LMCD1: variants seen among roughly 807,000 people sequenced by gnomAD.
LMCD1 encodes the protein LIM and cysteine rich domains 1.
Under a neutral mutation model 42.7 loss-of-function variants are expected in LMCD1, and 32 were observed. The observed-to-expected ratio is 0.75, with a 90% CI of 0.57 to 1.01. The LOEUF is 1.01. LMCD1 is among the 50% of genes least tolerant of loss of function. LMCD1 has a pLI of 0.00. For synonymous variants in LMCD1, 178 were observed against 184.9 expected, an observed-to-expected ratio of 0.96 and a Z score of 0.30; for missense variants, 458 against 483.1, an observed-to-expected ratio of 0.95 and a Z score of 0.49.
At chr3:8,517,322 A>G (rs570403765) in intron 1 of LMCD1, among the ~76,000 whole-genome samples, 1 of 152,340 alleles carries the variant, frequency 6.6e-6, no homozygotes, top group East Asian at 1.9e-4. Context: ...TGTGTATATG[A>G]AACATAACAA....
At chr3:8,553,003 T>G (rs1314557148) in intron 4 of LMCD1, among the ~76,000 whole-genome samples, 1 of 152,170 alleles carries the variant, frequency 6.6e-6, no homozygotes, top group Non-Finnish European at 1.5e-5. Flanking sequence ...ATGTATTTAT[T>G]TATGTGGGAT....
intron 1 of LMCD1, among the ~76,000 whole-genome samples, chr3:8,526,046 C>T (rs1310070250): frequency 6.6e-6 from 1 of 152,134 alleles, no homozygotes; most frequent in Non-Finnish European, 1.5e-5. Flanking sequence ...TCAGGCTTGC[C>T]CAGACTTGCT....
rs116647295 is a variant in LMCD1 at position 8,565,750 on chromosome 3, C to T, written c.939+103C>T. The stretch of plus-strand genomic sequence containing the variant: ...ATGGCTTTGTGGATGATGTGTTCTA[C>T]AGATTGGGAAACTGAAGTCAGGCCT... On this transcript the variant is annotated intron_variant, in intron 5 of 5. Transcript: ENST00000157600. 1,685 of 1,138,632 alleles carry T rather than the reference C, an allele frequency of 1.5e-3. 19 individuals are homozygous for T. The African/African-American group carries it at 0.023, about 16-fold the overall frequency. 70.5% of individuals were successfully genotyped at this position (1,138,632 alleles called of 1,614,324 possible).
chr3:8,522,811 T>C (rs1002194630), intron 1 of LMCD1, among the ~76,000 whole-genome samples: 1 of 143,858 alleles, frequency 7.0e-6, no homozygotes, highest in Non-Finnish European at 1.5e-5. Context: ...AATTAATTTT[T>C]AAAAATTAAA....
intron 4 of LMCD1, among the ~76,000 whole-genome samples, 161 bp from the exon 5 acceptor site, chr3:8,565,268 ATAT>A (rs900603882): frequency 6.6e-6 from 1 of 152,186 alleles, no homozygotes; most frequent in African/African-American, 2.4e-5. Flanking sequence ...TAGGTAGGCA[ATAT>A]TATTGTGTCG....
intron 1 of LMCD1, among the ~76,000 whole-genome samples, chr3:8,517,657 T>C (rs890527961): frequency 3.3e-5 from 5 of 152,254 alleles, no homozygotes; most frequent in African/African-American, 1.2e-4. Context: ...CTCCTTCTGA[T>C]GCTAAAACGC....
chr3:8,565,340 A>G, intron 4 of LMCD1, 92 bp from the exon 5 acceptor site: 2 of 1,130,872 alleles, frequency 1.8e-6, no homozygotes, highest in Admixed American at 1.8e-5. Context: ...AAGGTCACCC[A>G]GGAAGTAGAA....
intron 3 of LMCD1, among the ~76,000 whole-genome samples, chr3:8,538,136 T>C (rs913417915): frequency 2.6e-5 from 4 of 152,222 alleles, no homozygotes; most frequent in Middle Eastern, 3.4e-3. Flanking sequence ...ATCCAAATCA[T>C]CAGATGTGAC....
intron 4 of LMCD1, among the ~76,000 whole-genome samples, chr3:8,556,894 C>G (rs1369949274): frequency 6.6e-6 from 1 of 152,142 alleles, no homozygotes; most frequent in Non-Finnish European, 1.5e-5. Context: ...TGGCAGAGAG[C>G]CCCATAATGG....
At chr3:8,513,389 G>T (rs1053799856) in intron 1 of LMCD1, among the ~76,000 whole-genome samples, 1 of 152,118 alleles carries the variant, frequency 6.6e-6, no homozygotes, top group Non-Finnish European at 1.5e-5. Flanking sequence ...ACCTGGCTAG[G>T]ATAATTCCCT....
rs932106287 is a variant in LMCD1, at chr3:8,511,819, G to C, written c.42+9839G>C. On this transcript the variant is annotated intron_variant, in intron 1 of 5. Transcript: ENST00000157600. ...CAAGCAAAACCCACTGGGGTGGCAGGATAGCAAGGCCTGTCAGGCTGCACA... is the reference window on the plus strand; with the variant it reads ...CAAGCAAAACCCACTGGGGTGGCAGCATAGCAAGGCCTGTCAGGCTGCACA... Among the ~76,000 whole-genome samples the C allele has an allele frequency of 1.2e-4, 18 of 152,148 alleles. No individual in the cohort carries two copies. In the South Asian group the frequency reaches 2.5e-3, roughly 21 times the overall value.
rs1012067683 is a variant in LMCD1, at chr3:8,554,271, C to T, written c.723+5368C>T. Among the ~76,000 whole-genome samples the T allele has an allele frequency of 7.2e-5, 11 of 152,152 alleles. 1 individual carries two copies. Among genetic ancestry groups the T allele is most frequent in the Non-Finnish European group, 2.9e-5 (2 of 68,022 alleles). On this transcript the variant is annotated intron_variant, in intron 4 of 5. Transcript: ENST00000157600. ...GACCCTGGGGCGCAGTGAGGTTACCCCACGTGCTGATGAGAGCGGGGCTTC... is the reference window on the plus strand; with the variant it reads ...GACCCTGGGGCGCAGTGAGGTTACCTCACGTGCTGATGAGAGCGGGGCTTC...
intron 1 of LMCD1, among the ~76,000 whole-genome samples, chr3:8,512,820 C>G (rs144931022): frequency 1.3e-5 from 2 of 152,154 alleles, no homozygotes; most frequent in South Asian, 2.1e-4. Context: ...AGGTCAACTG[C>G]CTTCTTTAAC....
Position 8,503,777 on chromosome 3 carries a change from C to G in LMCD1, c.42+1797C>G, listed in dbSNP as rs531616209. Among the ~76,000 whole-genome samples the G allele has an allele frequency of 7.2e-5, 11 of 152,228 alleles. No homozygotes were observed. The South Asian group carries it at 2.3e-3, about 32-fold the overall frequency. ...CCCCAAGTTCAGACACAGAATAGTT[C>G]ACGGCTAAAGGTGGCAGAGTTCCAT... On this transcript the variant is annotated intron_variant, in intron 1 of 5. Coordinates refer to ENST00000157600, the MANE Select transcript of LMCD1 (RefSeq NM_014583.4).
rs558834840 is a variant in LMCD1 at position 8,528,396 on chromosome 3, A to G, written c.43-4341A>G. On this transcript the variant is annotated intron_variant, in intron 1 of 5. Coordinates refer to ENST00000157600, the MANE Select transcript of LMCD1 (RefSeq NM_014583.4). ...TTCCTGTAGGGATTGGGGTCTCACTATGTTGCACAGGCTGGTCTTGAGCTC... is the reference window on the plus strand; with the variant it reads ...TTCCTGTAGGGATTGGGGTCTCACTGTGTTGCACAGGCTGGTCTTGAGCTC... Among the ~76,000 whole-genome samples the G allele has an allele frequency of 5.3e-5, 8 of 152,020 alleles. No individual in the cohort carries two copies. The South Asian group carries it at 8.3e-4, about 16-fold the overall frequency.
chr3:8,502,052 A>C, intron 1 of LMCD1, 72 bp downstream of exon 1: 1 of 1,427,652 alleles, frequency 7.0e-7, no homozygotes, highest in Non-Finnish European at 9.7e-7. Flanking sequence ...TGTTCGCGGA[A>C]ACTTCCCAAA....
Position 8,524,446 on chromosome 3 carries a change from C to A in LMCD1, c.43-8291C>A, listed in dbSNP as rs183269006. Among the ~76,000 whole-genome samples, 140 of 152,228 alleles carry A rather than the reference C, an allele frequency of 9.2e-4. 1 individual carries two copies. Among genetic ancestry groups the A allele is most frequent in the African/African-American group, 3.3e-3 (136 of 41,546 alleles). ...AAGAGGAAGGGTTGTGGTTTCCCTT[C>A]GGTCTGGTTAAGAGAATGACTGCAT... On this transcript the variant is annotated intron_variant, in intron 1 of 5. Coordinates refer to ENST00000157600, the MANE Select transcript of LMCD1 (RefSeq NM_014583.4).
At chr3:8,549,879 A>G (rs1694809446) in intron 4 of LMCD1, 2 of 740,520 alleles carry the variant, frequency 2.7e-6, no homozygotes, top group Non-Finnish European at 4.8e-6. Context: ...CTTAGAAGCC[A>G]GTCCCACTCG....
intron 1 of LMCD1, among the ~76,000 whole-genome samples, chr3:8,502,606 A>ACG (rs202151986): frequency 1.6e-4 from 21 of 131,616 alleles, no homozygotes; most frequent in African/African-American, 5.6e-4. Context: ...ACACACACAC[A>ACG]CGCACGCAGT....
Sources: gnomAD v4.1 joint callset for allele counts (sites outside exome capture counted in the v4.1 genomes callset) on GRCh38, gnomAD v4.1.1 for gene constraint, MANE v1.5 for transcripts, NCBI Gene and HGNC (gene_info 2026-07-23, HGNC 2026-07-21) for gene names.